Variants in IQGAP1 observed in about 807,000 individuals in gnomAD.
IQGAP1 encodes IQ motif containing GTPase activating protein 1, also known as ras GTPase-activating-like protein IQGAP1.
IQGAP1 carries 66 observed loss-of-function variants against 215.6 expected under a neutral mutation model. That is an observed-to-expected ratio of 0.31 (90% confidence interval 0.25 to 0.38). IQGAP1 has a LOEUF of 0.38. Among genes scored for constraint, IQGAP1 ranks in the 10% least tolerant of loss-of-function variants. The pLI is 1.00. For missense variants in IQGAP1, 1,712 were observed against 1,997.1 expected (o/e 0.86, Z 2.72); for synonymous variants, 772 against 728.7 (o/e 1.06, Z -0.96).
At chr15:90,395,612 G>A (rs548522235) in intron 2 of IQGAP1, among the ~76,000 whole-genome samples, 4 of 152,314 alleles carry the variant, frequency 2.6e-5, no homozygotes, top group South Asian at 2.1e-4. Context: ...GAGCCACTGC[G>A]CCCGGCCGGC....
intron 23 of IQGAP1, among the ~76,000 whole-genome samples, chr15:90,475,940 T>A (rs1432791926): frequency 1.3e-5 from 2 of 152,010 alleles, no homozygotes; most frequent in Admixed American, 6.6e-5. Context: ...AATTTTTTTT[T>A]AATTTTATTT....
chr15:90,436,926 G>A (rs559696390), intron 5 of IQGAP1, among the ~76,000 whole-genome samples: 1 of 152,328 alleles, frequency 6.6e-6, no homozygotes, highest in South Asian at 2.1e-4. Context: ...ACCACTGAAA[G>A]ACATTAAAAG....
intron 2 of IQGAP1, 109 bp downstream of exon 2, chr15:90,390,982 C>G (rs1964627559): frequency 2.7e-6 from 2 of 740,718 alleles, no homozygotes; most frequent in Middle Eastern, 2.5e-4. Context: ...GCCTGTAATC[C>G]CAACACGTTG....
rs549595027 is a variant in IQGAP1 at position 90,482,406 on chromosome 15, G to C, written c.3555+125G>C. 1.9e-5 allele frequency: 16 copies of C among 834,156 alleles called. No individual in the cohort carries two copies. In the South Asian group the frequency reaches 2.3e-4, roughly 12 times the overall value. The allele number at this position is 834,156 out of a possible 1,614,324, so 51.7% of individuals were successfully genotyped here. A position where few individuals can be genotyped will look rare whatever the true frequency, so the allele number is the denominator to read the frequency against. ...GGCAGTAGCTTACCATTGATTGTGA[G>C]CTTTTGAAAGCAATTGTAATTGGTA... On this transcript the variant is annotated intron_variant, in intron 28 of 37. Transcript: ENST00000268182.
chr15:90,465,918 G>A (rs1035719047), intron 15 of IQGAP1, 83 bp from the exon 16 acceptor site: 8 of 1,034,512 alleles, frequency 7.7e-6, no homozygotes, highest in Non-Finnish European at 1.1e-5. Flanking sequence ...ATTTAATTGA[G>A]TCTAGGAAGC....
chr15:90,448,914 T>G (rs1289131726), intron 10 of IQGAP1, among the ~76,000 whole-genome samples, 178 bp downstream of exon 10: 1 of 152,208 alleles, frequency 6.6e-6, no homozygotes, highest in East Asian at 1.9e-4. Context: ...TCAGCTCACT[T>G]TTGCTTTTAG....
chr15:90,485,764 A>G (rs1246911255), intron 30 of IQGAP1, among the ~76,000 whole-genome samples: 1 of 152,120 alleles, frequency 6.6e-6, no homozygotes, highest in Non-Finnish European at 1.5e-5. Context: ...AACAGGGCAC[A>G]TTTGAATCCT....
intron 2 of IQGAP1, among the ~76,000 whole-genome samples, chr15:90,410,603 G>A (rs866774363): frequency 3.3e-5 from 5 of 150,938 alleles, no homozygotes; most frequent in South Asian, 2.1e-4. Context: ...ACCAAACACC[G>A]CATGTTCTCA....
intron 9 of IQGAP1, among the ~76,000 whole-genome samples, chr15:90,445,226 A>T (rs546240483): frequency 3.3e-4 from 50 of 152,052 alleles, no homozygotes; most frequent in Admixed American, 1.2e-3. Flanking sequence ...GCTGTGTAAC[A>T]TTGGGCACCT....
At chr15:90,395,555 C>T (rs890321240) in intron 2 of IQGAP1, among the ~76,000 whole-genome samples, 10 of 152,262 alleles carry the variant, frequency 6.6e-5, no homozygotes, top group East Asian at 1.9e-4. Context: ...CTCCTGACCT[C>T]GTGATCCGCC....
intron 13 of IQGAP1, among the ~76,000 whole-genome samples, chr15:90,453,504 G>T (rs1248497570): frequency 6.6e-6 from 1 of 152,114 alleles, no homozygotes; most frequent in African/African-American, 2.4e-5. Flanking sequence ...ATGTTACATA[G>T]TCAAAATAAC....
intron 2 of IQGAP1, among the ~76,000 whole-genome samples, chr15:90,410,982 C>T (rs1194763699): frequency 6.6e-6 from 1 of 152,086 alleles, no homozygotes; most frequent in Non-Finnish European, 1.5e-5. Flanking sequence ...ATCTCTGCAG[C>T]ATATGTCACT....
chr15:90,433,300 G>C (rs1005614156), intron 4 of IQGAP1, among the ~76,000 whole-genome samples: 1 of 152,082 alleles, frequency 6.6e-6, no homozygotes. Flanking sequence ...TTGTTGAGTT[G>C]TTTCTCCATC....
At chr15:90,442,035 C>A (rs1306292404) in intron 8 of IQGAP1, among the ~76,000 whole-genome samples, 1 of 152,118 alleles carries the variant, frequency 6.6e-6, no homozygotes, top group African/African-American at 2.4e-5. Flanking sequence ...ACCTCTGCTT[C>A]TTGAATTTTA....
chr15:90,414,997 A>G (rs1387854418), intron 2 of IQGAP1, among the ~76,000 whole-genome samples: 1 of 152,236 alleles, frequency 6.6e-6, no homozygotes, highest in Non-Finnish European at 1.5e-5. Context: ...TTCGTTTTAT[A>G]GAAGTGTTTG....
At chr15:90,443,573 T>TA (rs1965482804) in intron 9 of IQGAP1, 95 bp downstream of exon 9, 1 of 695,146 alleles carries the variant, frequency 1.4e-6, no homozygotes, top group Non-Finnish European at 2.4e-6. Context: ...TTGATTTACT[T>TA]ACTTTAGACA....
intron 37 of IQGAP1, among the ~76,000 whole-genome samples, chr15:90,498,834 A>C (rs11634314): frequency 0.43 from 60,829 of 139,972 alleles, 14,984 homozygotes; most frequent in Non-Finnish European, 0.55. Context: ...TTTTTGAGAC[A>C]GTTTCGCTCT....
At position 90,491,364 on chromosome 15, in the gene IQGAP1, G is replaced by A. The variant is rs764335788; in HGVS notation, c.4280G>A (p.Arg1427His). ...EAEHQRAMQR[R>H]AIRDAKTPDK... ...GAACATCAGAGAGCCATGCAGAGAC[G>A]TGCTATCCGTGATGCCAAAACACCT... The change falls in exon 34 of 38, where the codon CGT becomes CAT. Residue 1427 changes from arginine (R) to histidine (H), a missense_variant. Coordinates refer to ENST00000268182, the MANE Select transcript of IQGAP1 (RefSeq NM_003870.4). 2 of 1,614,036 alleles carry A rather than the reference G, an allele frequency of 1.2e-6. No individual in the cohort carries two copies. The highest frequency in any genetic ancestry group is 8.5e-7 in the Non-Finnish European group (1 of 1,180,030).
chr15:90,459,065 C>T (rs940263597), intron 15 of IQGAP1, among the ~76,000 whole-genome samples: 2 of 152,200 alleles, frequency 1.3e-5, no homozygotes, highest in Non-Finnish European at 2.9e-5. Flanking sequence ...TGTTTTTATA[C>T]GTCTGGCTAC....
Sources: gnomAD v4.1 joint callset for allele counts (sites outside exome capture counted in the v4.1 genomes callset) on GRCh38, gnomAD v4.1.1 for gene constraint, MANE v1.5 for transcripts, NCBI Gene and HGNC (gene_info 2026-07-23, HGNC 2026-07-21) for gene names.